ESRRG: variants seen among roughly 807,000 people sequenced by gnomAD.
ESRRG encodes estrogen related receptor gamma, also known as estrogen-related receptor gamma.
Under a neutral mutation model 44.0 loss-of-function variants are expected in ESRRG, and 13 were observed. The ratio of observed to expected loss-of-function variants is 0.30; its 90% CI spans 0.19 to 0.47. The LOEUF is 0.47. Ranked by LOEUF, ESRRG falls within the 20% of genes least tolerant of loss-of-function variation. The pLI is 1.00. For synonymous variants in ESRRG, 215 were observed against 214.6 expected (o/e 1.00, Z -0.02); for missense variants, 395 against 580.6 (o/e 0.68, Z 3.29).
intron 1 of ESRRG, among the ~76,000 whole-genome samples, chr1:216,722,849 C>T (rs1422070591): frequency 2.0e-5 from 3 of 152,034 alleles, no homozygotes; most frequent in African/African-American, 7.2e-5. Context: ...CATAAGAGGC[C>T]CTCAATAGTA....
chr1:216,699,857 T>G (rs1229711552), intron 1 of ESRRG, among the ~76,000 whole-genome samples: 3 of 152,116 alleles, frequency 2.0e-5, no homozygotes, highest in African/African-American at 7.2e-5. Flanking sequence ...GCAAGAAGAG[T>G]GATGCTGTAG....
chr1:216,994,794 C>A (rs550418077), intron 1 of ESRRG, among the ~76,000 whole-genome samples: 1 of 151,962 alleles, frequency 6.6e-6, no homozygotes, highest in South Asian at 2.1e-4. Context: ...CACTGTGTTA[C>A]CGGGATGGTC....
At chr1:216,839,245 T>C (rs1313179681) in intron 2 of ESRRG, among the ~76,000 whole-genome samples, 1 of 152,186 alleles carries the variant, frequency 6.6e-6, no homozygotes, top group Non-Finnish European at 1.5e-5. Flanking sequence ...GGCTTTTCCT[T>C]TTCCATTCAA....
intron 1 of ESRRG, among the ~76,000 whole-genome samples, chr1:217,025,614 C>T (rs1421907402): frequency 6.6e-6 from 1 of 152,132 alleles, no homozygotes; most frequent in African/African-American, 2.4e-5. Flanking sequence ...AAGCTGTTTG[C>T]CAGAAAAAAA....
chr1:216,596,837 A>G (rs1039646056), intron 3 of ESRRG, among the ~76,000 whole-genome samples: 5 of 152,156 alleles, frequency 3.3e-5, no homozygotes, highest in Non-Finnish European at 5.9e-5. Flanking sequence ...TGATCTGGCC[A>G]TGGCATCCTG....
Position 216,551,279 on chromosome 1 carries a change from A to G in ESRRG, c.862+12940T>C, listed in dbSNP as rs1196999373. The stretch of plus-strand genomic sequence containing the variant: ...TACTTTGTTTAGTGCATAAATGAAT[A>G]GGCATGAGCTTGCTACAAAAATATA... On this transcript the variant is annotated intron_variant, in intron 5 of 6. Coordinates refer to ENST00000408911, the MANE Select transcript of ESRRG (RefSeq NM_001438.4). Among the ~76,000 whole-genome samples the G allele has an allele frequency of 2.6e-5, 4 of 152,110 alleles. No homozygotes were observed. The East Asian group carries it at 7.7e-4, about 29-fold the overall frequency.
rs1263181119 is a variant in ESRRG at position 216,987,694 on chromosome 1, C to T, written c.-105-48021G>A. On this transcript the variant is annotated intron_variant, in intron 1 of 7. Coordinates refer to the ESRRG transcript ENST00000359162. ...GGGAACAGCAGGAGTTGCCAGTGCC[C>T]CACTCCCATCCCTTCTTCCTTACCA... Among the ~76,000 whole-genome samples the T allele has an allele frequency of 3.3e-5, 5 of 152,280 alleles. No homozygotes were observed. The East Asian group carries it at 9.7e-4, about 29-fold the overall frequency.
At chr1:217,113,597 AGGGACCATTTTTCACTT>A (rs2092685179) in intron 1 of ESRRG, among the ~76,000 whole-genome samples, 3 of 110,494 alleles carry the variant, frequency 2.7e-5, no homozygotes, top group Non-Finnish European at 2.3e-5. Flanking sequence ...GGGGCTTGGG[AGGGACCATTTTTCACTT>A]GGGAAGAATC....
At chr1:217,005,214 C>T (rs150945859) in intron 1 of ESRRG, among the ~76,000 whole-genome samples, 67 of 152,240 alleles carry the variant, frequency 4.4e-4, no homozygotes, top group African/African-American at 1.5e-3. Flanking sequence ...CTATTACTTC[C>T]TCCAAGGATT....
chr1:216,802,128 GAC>G, intron 2 of ESRRG, among the ~76,000 whole-genome samples: 1 of 152,110 alleles, frequency 6.6e-6, no homozygotes, highest in Non-Finnish European at 1.5e-5. Flanking sequence ...CCAGTGTAGT[GAC>G]TGCAGAAGCA....
intron 1 of ESRRG, among the ~76,000 whole-genome samples, chr1:217,099,339 A>G (rs759604555): frequency 6.6e-6 from 1 of 152,008 alleles, no homozygotes; most frequent in South Asian, 2.1e-4. Flanking sequence ...ATAGAAAAAT[A>G]AAGTGAGAAT....
chr1:216,991,646 TGGGA>T (rs2075729301), intron 1 of ESRRG, among the ~76,000 whole-genome samples: 1 of 70,116 alleles, frequency 1.4e-5, no homozygotes, highest in Non-Finnish European at 2.8e-5. Flanking sequence ...TGGGATGGGA[TGGGA>T]TGGGATGGGA....
chr1:216,655,017 C>T (rs1481453630), intron 2 of ESRRG, among the ~76,000 whole-genome samples: 1 of 152,078 alleles, frequency 6.6e-6, no homozygotes, highest in African/African-American at 2.4e-5. Flanking sequence ...CTTCAAAAGG[C>T]AGAAGGGAAT....
chr1:216,614,323 C>G (rs1264626254), intron 3 of ESRRG, among the ~76,000 whole-genome samples: 2 of 145,874 alleles, frequency 1.4e-5, no homozygotes, highest in Non-Finnish European at 3.0e-5. Flanking sequence ...ATTTGTGACC[C>G]TCTGTGACAT....
chr1:216,961,016 A>C (rs1336730833), intron 1 of ESRRG, among the ~76,000 whole-genome samples: 1 of 152,206 alleles, frequency 6.6e-6, no homozygotes, highest in Non-Finnish European at 1.5e-5. Context: ...ATCAGACATC[A>C]AAACATATTA....
At chr1:216,731,771 T>C (rs1300566325) in intron 2 of ESRRG, among the ~76,000 whole-genome samples, 1 of 152,234 alleles carries the variant, frequency 6.6e-6, no homozygotes. Context: ...ACTCAGGACA[T>C]TGAAATCCTG....
At chr1:216,993,764 A>G (rs2076027971) in intron 1 of ESRRG, among the ~76,000 whole-genome samples, 1 of 152,068 alleles carries the variant, frequency 6.6e-6, no homozygotes, top group Admixed American at 6.5e-5. Context: ...GATTGCGCTC[A>G]CTCTGGCTCC....
chr1:216,977,599 C>T (rs1370409206), intron 1 of ESRRG, among the ~76,000 whole-genome samples: 1 of 152,030 alleles, frequency 6.6e-6, no homozygotes, highest in Non-Finnish European at 1.5e-5. Context: ...GTGCCGGGGC[C>T]TCCAGGAATC....
At chr1:216,519,013 G>C (rs2045243926) in intron 6 of ESRRG, 139 bp downstream of exon 6, 1 of 649,012 alleles carries the variant, frequency 1.5e-6, no homozygotes, top group African/African-American at 1.9e-5. Flanking sequence ...CTTTTCACTA[G>C]AAAGCTATAC....
Sources: gnomAD v4.1 joint callset for allele counts (sites outside exome capture counted in the v4.1 genomes callset) on GRCh38, gnomAD v4.1.1 for gene constraint, MANE v1.5 for transcripts, NCBI Gene and HGNC (gene_info 2026-07-23, HGNC 2026-07-21) for gene names.